Variants in KCNT1 observed in about 807,000 individuals in gnomAD.
The protein encoded by KCNT1 is potassium channel subfamily T member 1.
KCNT1 carries 78 observed loss-of-function variants against 147.8 expected under a neutral mutation model. The ratio of observed to expected loss-of-function variants is 0.53; its 90% confidence interval spans 0.44 to 0.64. The LOEUF is 0.64. Ranked by LOEUF, KCNT1 falls within the 30% of genes least tolerant of loss-of-function variation. The pLI is 0.00. For missense variants in KCNT1, 1,419 were observed against 1,750.3 expected, an observed-to-expected ratio of 0.81 and a Z score of 3.38; for synonymous variants, 867 against 748.8, an observed-to-expected ratio of 1.16 and a Z score of -2.58.
At chr9:135,703,656 C>T (rs555264286) in intron 1 of KCNT1, among the ~76,000 whole-genome samples, 16 of 152,322 alleles carry the variant, frequency 1.1e-4, no homozygotes, top group Non-Finnish European at 2.2e-4. Flanking sequence ...CTGGATTGCC[C>T]TCATCTTTGT....
At chr9:135,736,869 C>A in intron 2 of KCNT1, 1 of 289,332 alleles carries the variant, frequency 3.5e-6, no homozygotes, top group South Asian at 1.6e-4. Flanking sequence ...GCTGCACCTG[C>A]GTTGCCTGCA....
intron 2 of KCNT1, among the ~76,000 whole-genome samples, chr9:135,724,187 G>A (rs1210987582): frequency 5.9e-5 from 9 of 152,232 alleles, no homozygotes; most frequent in Non-Finnish European, 1.2e-4. Context: ...CAGCCTCAGG[G>A]TCAGGCCTCC....
At chr9:135,718,585 A>C (rs1436554165) in intron 2 of KCNT1, among the ~76,000 whole-genome samples, 3 of 152,174 alleles carry the variant, frequency 2.0e-5, no homozygotes, top group South Asian at 4.1e-4. Context: ...CTCTCTCTGC[A>C]CCAGGGGAAG....
chr9:135,743,209 G>T (rs1428052495), intron 2 of KCNT1, among the ~76,000 whole-genome samples: 1 of 152,062 alleles, frequency 6.6e-6, no homozygotes, highest in Non-Finnish European at 1.5e-5. Flanking sequence ...GCTGGGATGC[G>T]CTCTCGGAGG....
In KCNT1 at chr9:135,730,415, G is replaced by A. The variant is rs1307201425; in HGVS notation, c.254+15695G>A. ...ATTAGCAGATATGATTAAGTGGAGG[G>A]CCTTGAAGATGGGAAATTATCGTGG... is the stretch of plus-strand genomic sequence containing the variant. On this transcript the variant is annotated intron_variant, in intron 2 of 30. Transcript: ENST00000371757. This position sits in a 1 kb window ranked among gnomAD's most constrained non-coding sequence, Gnocchi z 4.7. Among the ~76,000 whole-genome samples, 1 of 152,244 alleles carries A rather than the reference G, an allele frequency of 6.6e-6. No individual in the cohort carries two copies. The highest frequency in any genetic ancestry group is 2.1e-4 in the South Asian group (1 of 4,834).
At position 135,769,836 on chromosome 9, in the gene KCNT1, G is replaced by A. The variant is rs555280867; in HGVS notation, c.1511-111G>A. 9.7e-6 allele frequency: 7 copies of A among 724,934 alleles called. No individual in the cohort carries two copies. In the African/African-American group the frequency reaches 1.0e-4, roughly 11 times the overall value. The allele number at this position is 724,934 out of a possible 1,614,324, so 44.9% of individuals were successfully genotyped here. On this transcript the variant is annotated intron_variant, in intron 15 of 30. Transcript: ENST00000371757. ...CTGAAGCCGGACAGCAGACACGGGGGTGCCAGGCAAGGGTGCATCTGCATA... is the reference window on the plus strand; with the variant it reads ...CTGAAGCCGGACAGCAGACACGGGGATGCCAGGCAAGGGTGCATCTGCATA...
At chr9:135,771,217 T>A in intron 18 of KCNT1, 122 bp downstream of exon 18, 1 of 877,994 alleles carries the variant, frequency 1.1e-6, no homozygotes, top group Non-Finnish European at 1.7e-6. Context: ...GGTGACCAGG[T>A]GGGACAGGAG....
At chr9:135,732,016 A>G (rs1305009560) in intron 2 of KCNT1, among the ~76,000 whole-genome samples, 15 of 114,648 alleles carry the variant, frequency 1.3e-4, no homozygotes, top group South Asian at 3.5e-4. Context: ...AGAGAGAGAG[A>G]GAGAGAGAGA....
intron 28 of KCNT1, 22 bp from the exon 29 acceptor site, chr9:135,786,175 T>G (rs190197445): frequency 4.7e-6 from 3 of 643,594 alleles, no homozygotes; most frequent in Admixed American, 3.3e-5. Context: ...CTCCCCGCCC[T>G]GCCCTGCCCT....
chr9:135,768,269 C>CGG (rs1287381445), intron 13 of KCNT1, among the ~76,000 whole-genome samples: 3 of 2,486 alleles, frequency 1.2e-3, no homozygotes, highest in East Asian at 8.3e-3. Flanking sequence ...ACTGGGATAC[C>CGG]GGTGGGGGGG....
In KCNT1 at chr9:135,737,105, C is replaced by T. The variant is rs115206797; in HGVS notation, c.255-12993C>T. 1,026 of 177,608 alleles carry T rather than the reference C, an allele frequency of 5.8e-3. 13 individuals are homozygous for T. The highest frequency in any genetic ancestry group is 0.023 in the African/African-American group (992 of 42,472). 11.0% of individuals were successfully genotyped at this position (177,608 alleles called of 1,614,324 possible). ...CCCGAGCCCTGTCCCACAGGAGCCC[C>T]GATCTTGTTGGTGCCAGCGCCACTT... is the stretch of plus-strand genomic sequence containing the variant. On this transcript the variant is annotated intron_variant, in intron 2 of 30. Transcript: ENST00000371757.
chr9:135,781,512 T>C (rs941663048), intron 24 of KCNT1, among the ~76,000 whole-genome samples: 2 of 152,212 alleles, frequency 1.3e-5, no homozygotes, highest in Non-Finnish European at 2.9e-5. Context: ...CGGGCCAGCA[T>C]ACGGTGACCT....
In KCNT1 at chr9:135,750,926, G is replaced by T; in HGVS notation, c.335-16G>T. 1 of 1,610,266 alleles carries T rather than the reference G, an allele frequency of 6.2e-7. No individual in the cohort carries two copies. Among genetic ancestry groups the T allele is most frequent in the Non-Finnish European group, 8.5e-7 (1 of 1,177,720 alleles). On this transcript the variant is annotated splice_polypyrimidine_tract_variant and intron_variant, in intron 3 of 30. Coordinates refer to ENST00000371757, the MANE Select transcript of KCNT1 (RefSeq NM_020822.3). ...AGAGCTGGGTCAGAGCCCTGAGGCC[G>T]CTGCCCTCCCCGCAGGCCTGAGGAT...
At chr9:135,767,116 T>C (rs1176028333) in intron 13 of KCNT1, among the ~76,000 whole-genome samples, 1 of 152,094 alleles carries the variant, frequency 6.6e-6, no homozygotes, top group African/African-American at 2.4e-5. Context: ...AGTGGCATAG[T>C]GTTGGTGGTA....
chr9:135,721,794 C>T (rs1835935183), intron 2 of KCNT1, among the ~76,000 whole-genome samples: 2 of 152,210 alleles, frequency 1.3e-5, no homozygotes, highest in South Asian at 2.1e-4. Context: ...TGCCCCCACT[C>T]GACTGTGGAC....
rs538127061 is a variant in KCNT1, at chr9:135,734,793, C to T, written c.255-15305C>T. Reference sequence around the variant, plus strand: ...TCGTTCCCAGGGAATGTGAGCGAGCCGCATCCGCAGCCCAGGCACCCTCCC... The same window carrying T: ...TCGTTCCCAGGGAATGTGAGCGAGCTGCATCCGCAGCCCAGGCACCCTCCC... On this transcript the variant is annotated intron_variant, in intron 2 of 30. Coordinates refer to ENST00000371757, the MANE Select transcript of KCNT1 (RefSeq NM_020822.3). 5.6e-4 allele frequency among the ~76,000 whole-genome samples: 85 copies of T among 152,312 alleles called. 1 individual carries two copies. The highest frequency in any genetic ancestry group is 9.3e-4 in the Non-Finnish European group (63 of 68,018).
intron 29 of KCNT1, chr9:135,788,001 GCCC>G: frequency 1.2e-6 from 1 of 861,176 alleles, no homozygotes; most frequent in Non-Finnish European, 2.0e-6. Flanking sequence ...CCGTGCAGCT[GCCC>G]CTGCACCCGC....
At chr9:135,756,801 G>C in intron 6 of KCNT1, 72 bp from the exon 7 acceptor site, 2 of 1,271,426 alleles carry the variant, frequency 1.6e-6, no homozygotes, top group East Asian at 4.6e-5. Context: ...ACCTGCCCGC[G>C]AGGCCTGTGG....
At chr9:135,722,948 T>A (rs1304859277) in intron 2 of KCNT1, among the ~76,000 whole-genome samples, 7 of 152,144 alleles carry the variant, frequency 4.6e-5, no homozygotes, top group Admixed American at 1.3e-4. Context: ...CTGCAAAAGA[T>A]GTCGTGGGAA....
Sources: gnomAD v4.1 joint callset for allele counts (sites outside exome capture counted in the v4.1 genomes callset) on GRCh38, gnomAD v4.1.1 for gene constraint, Gnocchi (gnomAD v3.1) non-coding constraint, MANE v1.5 for transcripts, NCBI Gene and HGNC (gene_info 2026-07-23, HGNC 2026-07-21) for gene names.